KCNQ1: variants seen among roughly 807,000 people sequenced by gnomAD.
The protein encoded by KCNQ1 is potassium voltage-gated channel subfamily Q member 1.
KCNQ1 carries 49 observed loss-of-function variants against 72.4 expected under a neutral mutation model. The ratio of observed to expected loss-of-function variants is 0.68; its 90% CI spans 0.54 to 0.86. The LOEUF is 0.86. Ranked by LOEUF, KCNQ1 falls within the 40% of genes least tolerant of loss-of-function variation. The probability of loss-of-function intolerance (pLI) is 0.00; values close to 1 mark genes in which losing one functional copy is unlikely to be tolerated. For synonymous variants in KCNQ1, 450 were observed against 412.6 expected (o/e 1.09, Z -1.10); for missense variants, 790 against 945.1 (o/e 0.84, Z 2.15).
chr11:2,496,528 A>G, intron 1 of KCNQ1, among the ~76,000 whole-genome samples: 1 of 18,072 alleles, frequency 5.5e-5, no homozygotes, highest in Non-Finnish European at 1.2e-4. Flanking sequence ...TTTGCTTTCC[A>G]TTGCTTGGTA....
chr11:2,584,504 AGTGTGTGT>A (rs747562425), intron 7 of KCNQ1, among the ~76,000 whole-genome samples: 1 of 133,822 alleles, frequency 7.5e-6, no homozygotes, highest in Non-Finnish European at 1.6e-5. Context: ...TATGTGGGTT[AGTGTGTGT>A]GTTTGTGTGT....
chr11:2,625,087 G>A (rs1849242386), intron 10 of KCNQ1: 1 of 398,256 alleles, frequency 2.5e-6, no homozygotes, highest in South Asian at 1.3e-4. Context: ...AATCCTTCTG[G>A]GTGTATACAC....
rs1048474813 is a variant in KCNQ1, at chr11:2,735,875, C to A, written c.1515-32969C>A. 2.0e-5 allele frequency among the ~76,000 whole-genome samples: 3 copies of A among 152,132 alleles called. No homozygotes were observed. The highest frequency in any genetic ancestry group is 4.8e-5 in the African/African-American group (2 of 41,416). ...GGGATTAGGGCTCACCCTTATACCC[C>A]CATTCTGCTTTAATTACTTCTTATA... is the stretch of plus-strand genomic sequence containing the variant. On this transcript the variant is annotated intron_variant, in intron 11 of 15. Transcript: ENST00000155840. The surrounding 1 kb of genome is among the most constrained non-coding windows in gnomAD (Gnocchi z 7.7).
Position 2,784,938 on chromosome 11 carries a change from G to C in KCNQ1, c.1794+6901G>C, listed in dbSNP as rs1278914438. ...TTTGTTGTTGCTATTGATTTCTTAA[G>C]ATTTTCTACATATAGGATCATGTCT... On this transcript the variant is annotated intron_variant, in intron 15 of 15. Transcript: ENST00000155840. This position sits in a 1 kb window ranked among gnomAD's most constrained non-coding sequence, Gnocchi z 4.7. Among the ~76,000 whole-genome samples, 1 of 151,852 alleles carries C rather than the reference G, an allele frequency of 6.6e-6. No homozygotes were observed. Among genetic ancestry groups the C allele is most frequent in the Non-Finnish European group, 1.5e-5 (1 of 67,806 alleles).
In KCNQ1 at chr11:2,543,271, G is replaced by A. The variant is rs2133681159; in HGVS notation, c.477+15253G>A. Among the ~76,000 whole-genome samples the A allele has an allele frequency of 1.3e-5, 2 of 152,074 alleles. No individual in the cohort carries two copies. The highest frequency in any genetic ancestry group is 2.1e-4 in the South Asian group (1 of 4,828). ...GGTGGCTTTCCTTTTCATTTATTTAGTAGTATCTTTTTTTTTTGTTTGAGA... is the reference window on the plus strand; with the variant it reads ...GGTGGCTTTCCTTTTCATTTATTTAATAGTATCTTTTTTTTTTGTTTGAGA... On this transcript the variant is annotated intron_variant, in intron 2 of 15. Transcript: ENST00000155840. This position sits in a 1 kb window ranked among gnomAD's most constrained non-coding sequence, Gnocchi z 5.6.
intron 10 of KCNQ1, among the ~76,000 whole-genome samples, chr11:2,589,284 G>A (rs879564389): frequency 2.0e-5 from 3 of 152,080 alleles, no homozygotes; most frequent in South Asian, 2.1e-4. Flanking sequence ...CACCAGGCCC[G>A]GGTAAAACGT....
chr11:2,627,684 G>A lies in KCNQ1; in HGVS notation c.1394-34277G>A, dbSNP rs1849283574. ...TGTGTGTGTGTATATATGTGTGTGT[G>A]TGTGTCTGTATGTATATGTATGTGA... On this transcript the variant is annotated intron_variant, in intron 10 of 15. Coordinates refer to ENST00000155840, the MANE Select transcript of KCNQ1 (RefSeq NM_000218.3). The surrounding 1 kb of genome is among the most constrained non-coding windows in gnomAD (Gnocchi z 4.9). The A allele has an allele frequency of 5.0e-6, 2 of 398,408 alleles. No individual in the cohort carries two copies. The highest frequency in any genetic ancestry group is 8.8e-6 in the Non-Finnish European group (2 of 226,050). 24.7% of individuals were successfully genotyped at this position (398,408 alleles called of 1,614,324 possible). A position where few individuals can be genotyped will look rare whatever the true frequency, so the allele number is the denominator to read the frequency against.
intron 14 of KCNQ1, chr11:2,777,649 G>A: frequency 1.7e-6 from 1 of 593,760 alleles, no homozygotes; most frequent in Non-Finnish European, 3.0e-6. Context: ...CCTGGAGTCA[G>A]GCCTGTGTCG....
At chr11:2,572,427 G>A (rs1848351268) in intron 5 of KCNQ1, among the ~76,000 whole-genome samples, 1 of 152,208 alleles carries the variant, frequency 6.6e-6, no homozygotes, top group South Asian at 2.1e-4. Context: ...CCCGGTCAAG[G>A]CAGGGCCACC....
chr11:2,659,352 A>G lies in KCNQ1; in HGVS notation c.1394-2609A>G. ...GAATGTCCTATAAATGGGATCCTAT[A>G]ATATGTATTCTTTTGCATCTGGCTT... On this transcript the variant is annotated intron_variant, in intron 10 of 15. Transcript: ENST00000155840. This position sits in a 1 kb window ranked among gnomAD's most constrained non-coding sequence, Gnocchi z 4.3. 2.5e-6 allele frequency: 1 copy of G among 398,604 alleles called. No individual in the cohort carries two copies. The highest frequency in any genetic ancestry group is 4.4e-6 in the Non-Finnish European group (1 of 226,048). The allele number at this position is 398,604 out of a possible 1,614,324, so 24.7% of individuals were successfully genotyped here.
chr11:2,497,137 T>C lies in KCNQ1; in HGVS notation c.387-30791T>C, dbSNP rs368547364. On this transcript the variant is annotated intron_variant, in intron 1 of 15. Transcript: ENST00000155840. The surrounding 1 kb of genome is among the most constrained non-coding windows in gnomAD (Gnocchi z 4.5). ...TAAACCTTGGAGAATCTGACAATTA[T>C]ATGTCTTGGGGTTGCTCTTCTTGAG... Among the ~76,000 whole-genome samples, 8 of 152,272 alleles carry C rather than the reference T, an allele frequency of 5.3e-5. No individual in the cohort carries two copies. Among genetic ancestry groups the C allele is most frequent in the African/African-American group, 1.7e-4 (7 of 41,554 alleles).
intron 11 of KCNQ1, among the ~76,000 whole-genome samples, chr11:2,742,403 C>G (rs933370908): frequency 6.6e-6 from 1 of 152,234 alleles, no homozygotes; most frequent in Admixed American, 6.5e-5. Flanking sequence ...CTCATACTCA[C>G]GGCCACCTGG....
intron 1 of KCNQ1, among the ~76,000 whole-genome samples, chr11:2,525,461 G>A (rs2133644203): frequency 6.6e-6 from 1 of 152,378 alleles, no homozygotes; most frequent in East Asian, 1.9e-4. Context: ...GGTGGTCAGT[G>A]TAGGAGCACC....
intron 15 of KCNQ1, among the ~76,000 whole-genome samples, chr11:2,786,949 G>GTTTTTTTTT (rs5789272): frequency 2.7e-4 from 33 of 120,264 alleles, no homozygotes; most frequent in Middle Eastern, 4.3e-3. Flanking sequence ...TTTCGTTTCT[G>GTTTTTTTTT]TTTTTTTTTT....
intron 11 of KCNQ1, chr11:2,692,330 C>T: frequency 2.5e-6 from 1 of 398,968 alleles, no homozygotes. Context: ...TCCTGATAGG[C>T]CACCATTTCT....
intron 11 of KCNQ1, chr11:2,685,068 C>G (rs1850460650): frequency 2.5e-6 from 1 of 398,656 alleles, no homozygotes; most frequent in Non-Finnish European, 4.4e-6. Flanking sequence ...ATGGGACAGC[C>G]TGTGAGAATT....
chr11:2,692,087 C>T (rs1190543610), intron 11 of KCNQ1: 3 of 398,674 alleles, frequency 7.5e-6, no homozygotes, highest in Non-Finnish European at 1.3e-5. Flanking sequence ...GTCACCTGCC[C>T]CCACCTCCTC....
At chr11:2,714,391 G>A (rs1049087231) in intron 11 of KCNQ1, among the ~76,000 whole-genome samples, 3 of 152,206 alleles carry the variant, frequency 2.0e-5, no homozygotes, top group African/African-American at 4.8e-5. Context: ...TGGGGCTCCC[G>A]GGGTAGGGCT....
rs1405020890 is a variant in KCNQ1 at position 2,623,703 on chromosome 11, A to G, written c.1393+34849A>G. On this transcript the variant is annotated intron_variant, in intron 10 of 15. Transcript: ENST00000155840. The surrounding 1 kb of genome is among the most constrained non-coding windows in gnomAD (Gnocchi z 5.2). The stretch of plus-strand genomic sequence containing the variant: ...GACATCTCGGTTGCTTCCAATTTCA[A>G]CAATCACAAATAAAGCTTCTGTAAA... 7.5e-6 allele frequency: 3 copies of G among 398,432 alleles called. No individual in the cohort carries two copies. The highest frequency in any genetic ancestry group is 4.4e-5 in the Admixed American group (1 of 22,710). The allele number at this position is 398,432 out of a possible 1,614,324, so 24.7% of individuals were successfully genotyped here. A position where few individuals can be genotyped will look rare whatever the true frequency, so the allele number is the denominator to read the frequency against.
Sources: allele counts gnomAD v4.1 joint callset (sites outside exome capture counted in the v4.1 genomes callset), GRCh38; gene constraint gnomAD v4.1.1; non-coding constraint Gnocchi (gnomAD v3.1); transcripts MANE v1.5; gene names NCBI Gene and HGNC (gene_info 2026-07-23, HGNC 2026-07-21).